Variants in ATP4A observed in about 807,000 individuals in gnomAD.
The protein encoded by ATP4A is ATPase H+/K+ transporting subunit alpha, also known as potassium-transporting ATPase alpha chain 1.
A neutral mutation model predicts 112.1 loss-of-function variants in ATP4A; 73 were observed. That is an observed-to-expected ratio of 0.65 (90% confidence interval 0.54 to 0.79). The LOEUF (loss-of-function observed/expected upper bound fraction) is 0.79. ATP4A is among the 30% of genes least tolerant of loss of function. ATP4A has a pLI of 0.00. For synonymous variants in ATP4A, 588 were observed against 588.9 expected, an observed-to-expected ratio of 1.00 and a Z score of 0.02; for missense variants, 1,081 against 1,425.9, an observed-to-expected ratio of 0.76 and a Z score of 3.90.
chr19:35,555,104 T>C lies in ATP4A; in HGVS notation c.2327-28A>G, dbSNP rs1479281853. Reference sequence around the variant, plus strand: ...GTGGGGTAGGGTGGGCACCTCAGCCTCCTCACAGCCCTCTCCCTCCTGTGC... The same window carrying C: ...GTGGGGTAGGGTGGGCACCTCAGCCCCCTCACAGCCCTCTCCCTCCTGTGC... On this transcript the variant is annotated intron_variant, in intron 15 of 21. Coordinates refer to ENST00000262623, the MANE Select transcript of ATP4A (RefSeq NM_000704.3). This position sits in a 1 kb window ranked among gnomAD's most constrained non-coding sequence, Gnocchi z 6.6. 1 of 1,612,882 alleles carries C rather than the reference T, an allele frequency of 6.2e-7. No individual in the cohort carries two copies. The highest frequency in any genetic ancestry group is 1.3e-5 in the African/African-American group (1 of 74,864).
intron 12 of ATP4A, among the ~76,000 whole-genome samples, chr19:35,556,017 G>T (rs188595112): frequency 1.3e-5 from 2 of 152,208 alleles, no homozygotes; most frequent in South Asian, 2.1e-4. Flanking sequence ...ATAAAGAAAC[G>T]AATTATATAG....
At chr19:35,552,809 G>A (rs1264655475) in intron 18 of ATP4A, among the ~76,000 whole-genome samples, 1 of 152,206 alleles carries the variant, frequency 6.6e-6, no homozygotes, top group African/African-American at 2.4e-5. Context: ...TGATGCATTA[G>A]TGTCAGGGCA....
At chr19:35,552,849 G>A (rs2071608942) in intron 18 of ATP4A, among the ~76,000 whole-genome samples, 188 bp downstream of exon 18, 1 of 152,146 alleles carries the variant, frequency 6.6e-6, no homozygotes. Flanking sequence ...GCGATCATCA[G>A]AAGCAGGAGT....
At position 35,559,291 on chromosome 19, in the gene ATP4A, C is replaced by T; in HGVS notation, c.1057-100G>A. 1 of 1,277,610 alleles carries T rather than the reference C, an allele frequency of 7.8e-7. No homozygotes were observed. Among genetic ancestry groups the T allele is most frequent in the South Asian group, 1.3e-5 (1 of 78,832 alleles). The allele number at this position is 1,277,610 out of a possible 1,614,324, so 79.1% of individuals were successfully genotyped here. ...GGAAGGCTTTACCCCAGCCGCGGGGCTGCGTGTGCAACGTGCTTCTGCAAA... is the reference window on the plus strand; with the variant it reads ...GGAAGGCTTTACCCCAGCCGCGGGGTTGCGTGTGCAACGTGCTTCTGCAAA... On this transcript the variant is annotated intron_variant, in intron 7 of 21. Transcript: ENST00000262623. This position sits in a 1 kb window ranked among gnomAD's most constrained non-coding sequence, Gnocchi z 4.1.
Position 35,554,795 on chromosome 19 carries a change from GCACA to G in ATP4A, c.2481+123_2481+126del, listed in dbSNP as rs2146307694. 18 of 1,342,154 alleles carry G rather than the reference GCACA, an allele frequency of 1.3e-5. No homozygotes were observed. In the South Asian group the frequency reaches 2.3e-4, roughly 17 times the overall value. 83.1% of individuals were successfully genotyped at this position (1,342,154 alleles called of 1,614,324 possible). Reference sequence around the variant, plus strand: ...CATGTGTCCTGCACTGGCTGTCATTGCACACACAGGTCTTGTCTGTCACTCTGTG... The same window carrying G: ...CATGTGTCCTGCACTGGCTGTCATTGCACAGGTCTTGTCTGTCACTCTGTG... On this transcript the variant is annotated intron_variant, in intron 16 of 21. Transcript: ENST00000262623.
chr19:35,552,880 A>G (rs1190812013), intron 18 of ATP4A, among the ~76,000 whole-genome samples, 157 bp downstream of exon 18: 1 of 141,554 alleles, frequency 7.1e-6, no homozygotes, highest in Non-Finnish European at 1.5e-5. Context: ...AGATGGTGGG[A>G]AAGGCCCTTG....
chr19:35,558,380 G>A lies in ATP4A; in HGVS notation c.1482C>T (p.Asn494=). The change falls in exon 10 of 22, where the codon AAC becomes AAT. Residue 494 remains asparagine (N), a synonymous_variant. Transcript: ENST00000262623. The surrounding 1 kb of genome is among the most constrained non-coding windows in gnomAD (Gnocchi z 5.1). ...TGCGCACCTGGAACTTGTTGGTGGA[G>A]TTGAAGGGTATCTCGCAGACTTTTG... ...RFPKVCEIPF[N]STNKFQLSIH... 1 of 1,611,586 alleles carries A rather than the reference G, an allele frequency of 6.2e-7. No homozygotes were observed. The highest frequency in any genetic ancestry group is 1.1e-5 in the South Asian group (1 of 90,516).
Position 35,555,582 on chromosome 19 carries a change from C to A in ATP4A, c.2015G>T (p.Arg672Leu). ...PVDQVNRKDA[R>L]ACVINGMQLK... The stretch of plus-strand genomic sequence containing the variant: ...CTGCATGCCATTGATCACACAGGCA[C>A]GGGCATCCCTGGGGAGGAGATGGGA... Residue 672 changes from arginine (R) to leucine (L), a missense_variant, in exon 14 of 22, where the codon CGT (arginine) becomes CTT (leucine). By Grantham distance (102) the Arg-to-Leu change is moderately radical. Around this residue, in one of 3 missense-constraint regions of ATP4A, gnomAD observed 850 missense variants for 1,068.2 expected, o/e 0.80. Coordinates refer to ENST00000262623, the MANE Select transcript of ATP4A (RefSeq NM_000704.3). This position sits in a 1 kb window ranked among gnomAD's most constrained non-coding sequence, Gnocchi z 6.6. The A allele has an allele frequency of 1.3e-6, 2 of 1,580,476 alleles. No individual in the cohort carries two copies. Among genetic ancestry groups the A allele is most frequent in the Non-Finnish European group, 8.6e-7 (1 of 1,157,356 alleles).
At position 35,557,885 on chromosome 19, in the gene ATP4A, G is replaced by C; in HGVS notation, c.1501-38C>G. On this transcript the variant is annotated intron_variant, in intron 10 of 21. Transcript: ENST00000262623. This position sits in a 1 kb window ranked among gnomAD's most constrained non-coding sequence, Gnocchi z 4.4. ...GGGAGAGGCGAGGCTGTGGACGGGG[G>C]AACGGGGCGGGGCTGTGGACGAGGG... 9.1e-6 allele frequency: 7 copies of C among 772,200 alleles called. 1 individual carries two copies. Among genetic ancestry groups the C allele is most frequent in the Non-Finnish European group, 1.3e-5 (7 of 547,636 alleles). 47.8% of individuals were successfully genotyped at this position (772,200 alleles called of 1,614,324 possible).
rs1317177112 is a variant in ATP4A at position 35,551,687 on chromosome 19, GCT to G, written c.2752-109_2752-108del. The G allele has an allele frequency of 1.4e-6, 2 of 1,403,488 alleles. No homozygotes were observed. Among genetic ancestry groups the G allele is most frequent in the East Asian group, 2.5e-5 (1 of 39,940 alleles). 86.9% of individuals were successfully genotyped at this position (1,403,488 alleles called of 1,614,324 possible). On this transcript the variant is annotated intron_variant, in intron 18 of 21. Transcript: ENST00000262623. The surrounding 1 kb of genome is among the most constrained non-coding windows in gnomAD (Gnocchi z 5.2). The stretch of plus-strand genomic sequence containing the variant: ...GTCCCAGGGCCGTGAACCCCTAAAT[GCT>G]CTCTCTGCCTTGCATCAGAGTGTGG...
chr19:35,557,053 G>C lies in ATP4A; in HGVS notation c.1729C>G (p.Pro577Ala). Residue 577 changes from proline to alanine, a missense_variant, in exon 12 of 22, where the codon CCG becomes GCG. Transcript: ENST00000262623. The surrounding 1 kb of genome is among the most constrained non-coding windows in gnomAD (Gnocchi z 4.4). Reference protein sequence around the residue: ...CQLYLNEKDYPPGYAFDVEAM... With the variant: ...CQLYLNEKDYAPGYAFDVEAM... Reference sequence around the variant, plus strand: ...TCTACGTCGAAGGCATAGCCAGGCGGGTAGTCCTTCTCATTCAGGTAGAGC... The same window carrying C: ...TCTACGTCGAAGGCATAGCCAGGCGCGTAGTCCTTCTCATTCAGGTAGAGC... 1.9e-6 allele frequency: 3 copies of C among 1,614,212 alleles called. No homozygotes were observed. Among genetic ancestry groups the C allele is most frequent in the Non-Finnish European group, 2.5e-6 (3 of 1,180,042 alleles).
At chr19:35,563,578 C>T (rs983416211) in intron 1 of ATP4A, 40 bp downstream of exon 1, 4 of 1,613,862 alleles carry the variant, frequency 2.5e-6, no homozygotes, top group Admixed American at 3.3e-5. Context: ...CACTGCAACC[C>T]CTGTCCCCAC....
intron 18 of ATP4A, among the ~76,000 whole-genome samples, chr19:35,552,078 G>A (rs147567810): frequency 0.029 from 4,350 of 152,008 alleles, 91 homozygotes; most frequent in Middle Eastern, 0.071. Context: ...ATGGAATCTC[G>A]CTCTGTCACC....
chr19:35,559,127 G>T lies in ATP4A; in HGVS notation c.1121C>A (p.Ala374Glu), dbSNP rs2071651936. 6.2e-7 allele frequency: 1 copy of T among 1,614,038 alleles called. No homozygotes were observed. Among genetic ancestry groups the T allele is most frequent in the African/African-American group, 1.3e-5 (1 of 74,904 alleles). Residue 374 changes from alanine (A) to glutamate (E), a missense_variant, in exon 8 of 22, where the codon GCG becomes GAG. Physicochemically the swap from Ala to Glu is moderately radical, Grantham distance 107 (BLOSUM62 -1). Coordinates refer to ENST00000262623, the MANE Select transcript of ATP4A (RefSeq NM_000704.3). This position sits in a 1 kb window ranked among gnomAD's most constrained non-coding sequence, Gnocchi z 4.1. Reference sequence around the variant, plus strand: ...CGAAGTGGAGCCCAATGTCTCCACCGCCTCCAGGTTCTTGACCACGCAGTT... The same window carrying T: ...CGAAGTGGAGCCCAATGTCTCCACCTCCTCCAGGTTCTTGACCACGCAGTT... ...SKNCVVKNLEAVETLGSTSVI... is the reference protein window; with the variant it reads ...SKNCVVKNLEEVETLGSTSVI...
chr19:35,560,124 T>G lies in ATP4A; in HGVS notation c.788-51A>C. 2 of 1,598,658 alleles carry G rather than the reference T, an allele frequency of 1.3e-6. No individual in the cohort carries two copies. Among genetic ancestry groups the G allele is most frequent in the Middle Eastern group, 3.3e-4 (2 of 6,010 alleles). ...AGGGATAGGGGGCGGCAGTGGGGTG[T>G]GCACTGCCGTGTGAGCTGAAGGACA... On this transcript the variant is annotated intron_variant, in intron 6 of 21. Transcript: ENST00000262623. This position sits in a 1 kb window ranked among gnomAD's most constrained non-coding sequence, Gnocchi z 5.1.
In ATP4A at chr19:35,559,311, T is replaced by G; in HGVS notation, c.1057-120A>C. The G allele has an allele frequency of 2.9e-6, 3 of 1,036,404 alleles. No individual in the cohort carries two copies. Among genetic ancestry groups the G allele is most frequent in the Non-Finnish European group, 4.3e-6 (3 of 697,440 alleles). The allele number at this position is 1,036,404 out of a possible 1,614,324, so 64.2% of individuals were successfully genotyped here. ...CGGGGCTGCGTGTGCAACGTGCTTCTGCAAACACCAGGTGTTTTCTTGGCC... is the reference window on the plus strand; with the variant it reads ...CGGGGCTGCGTGTGCAACGTGCTTCGGCAAACACCAGGTGTTTTCTTGGCC... On this transcript the variant is annotated intron_variant, in intron 7 of 21. Coordinates refer to ENST00000262623, the MANE Select transcript of ATP4A (RefSeq NM_000704.3). This position sits in a 1 kb window ranked among gnomAD's most constrained non-coding sequence, Gnocchi z 4.1.
intron 3 of ATP4A, 101 bp downstream of exon 3, chr19:35,563,108 A>C (rs1303540302): frequency 5.6e-4 from 702 of 1,244,486 alleles, no homozygotes; most frequent in African/African-American, 1.3e-3. Flanking sequence ...TCCTCTCTTC[A>C]TCTCTCCCTC....
rs2071625633 is a variant in ATP4A, at chr19:35,555,483, C to A, written c.2114G>T (p.Ser705Ile). The change falls in exon 14 of 22, where the codon AGC becomes ATC. Residue 705 changes from serine to isoleucine, a missense_variant. Transcript: ENST00000262623. The surrounding 1 kb of genome is among the most constrained non-coding windows in gnomAD (Gnocchi z 6.6). Reference sequence around the variant, plus strand: ...CACGATCACCAGCTTCTGCTGGGGGCTGGTGCGCGCAAACACCATCTCGGG... The same window carrying A: ...CACGATCACCAGCTTCTGCTGGGGGATGGTGCGCGCAAACACCATCTCGGG... ...THPEMVFART[S>I]PQQKLVIVES... is the part of the protein sequence containing the mutation. The A allele has an allele frequency of 1.4e-5, 23 of 1,610,882 alleles. No individual in the cohort carries two copies. The highest frequency in any genetic ancestry group is 2.0e-5 in the Non-Finnish European group (23 of 1,178,196).
rs779088309 is a variant in ATP4A at position 35,555,397 on chromosome 19, C to T, written c.2157+43G>A. On this transcript the variant is annotated intron_variant, in intron 14 of 21. Coordinates refer to ENST00000262623, the MANE Select transcript of ATP4A (RefSeq NM_000704.3). The surrounding 1 kb of genome is among the most constrained non-coding windows in gnomAD (Gnocchi z 6.6). ...GTGAGAGGCCGGTCCAAGACCAGCC[C>T]CGCCTGTCTGCCCGCCTGCCCACCC... 6 of 1,600,816 alleles carry T rather than the reference C, an allele frequency of 3.7e-6. No individual in the cohort carries two copies. Among genetic ancestry groups the T allele is most frequent in the Non-Finnish European group, 5.1e-6 (6 of 1,171,710 alleles).
Sources: allele counts gnomAD v4.1 joint callset (sites outside exome capture counted in the v4.1 genomes callset), GRCh38; gene constraint gnomAD v4.1.1; regional missense constraint gnomAD v4.1.1; non-coding constraint Gnocchi (gnomAD v3.1); transcripts MANE v1.5; gene names NCBI Gene and HGNC (gene_info 2026-07-23, HGNC 2026-07-21).